Variants in FAM53B observed in about 807,000 individuals in gnomAD.
FAM53B encodes the protein protein FAM53B.
A neutral mutation model predicts 32.7 loss-of-function variants in FAM53B; 12 were observed. The observed-to-expected ratio is 0.37, with a 90% CI of 0.24 to 0.59. The LOEUF (loss-of-function observed/expected upper bound fraction) is 0.59, where lower values mean the gene tolerates loss of function less well. Among genes scored for constraint, FAM53B ranks in the 20% least tolerant of loss-of-function variants. The pLI is 0.72. For missense variants in FAM53B, 477 were observed against 577.7 expected (o/e 0.83, Z 1.79); for synonymous variants, 234 against 228.7 (o/e 1.02, Z -0.21).
chr10:124,711,946 G>A (rs772876359), intron 1 of FAM53B, among the ~76,000 whole-genome samples: 5 of 151,948 alleles, frequency 3.3e-5, no homozygotes, highest in Admixed American at 6.5e-5. Flanking sequence ...GCCTGTAGTC[G>A]CAGGTACTCA....
chr10:124,674,316 A>C (rs1248657767), intron 4 of FAM53B, among the ~76,000 whole-genome samples: 1 of 151,964 alleles, frequency 6.6e-6, no homozygotes, highest in Non-Finnish European at 1.5e-5. Context: ...CTAAAGTGTG[A>C]CTCCCAATAT....
At chr10:124,717,677 G>T (rs904294221) in intron 1 of FAM53B, among the ~76,000 whole-genome samples, 3 of 152,212 alleles carry the variant, frequency 2.0e-5, no homozygotes, top group Non-Finnish European at 4.4e-5. Flanking sequence ...ATGGGGTGAG[G>T]ATGGGGATGT....
chr10:124,709,950 T>C (rs569462391), intron 1 of FAM53B, among the ~76,000 whole-genome samples: 2 of 152,316 alleles, frequency 1.3e-5, no homozygotes, highest in African/African-American at 4.8e-5. Context: ...TATGTGAGGT[T>C]TGAATATTCC....
chr10:124,655,978 C>A (rs1356661805), intron 4 of FAM53B, among the ~76,000 whole-genome samples: 4 of 152,248 alleles, frequency 2.6e-5, no homozygotes, highest in Admixed American at 6.5e-5. Context: ...CCAAACAGAA[C>A]TAGCCCCAGA....
chr10:124,701,611 T>C (rs1011484367), intron 2 of FAM53B, among the ~76,000 whole-genome samples: 5 of 152,098 alleles, frequency 3.3e-5, no homozygotes, highest in Non-Finnish European at 5.9e-5. Flanking sequence ...TGCTCCAAGG[T>C]CAAACGTCTG....
chr10:124,694,311 C>T (rs1474670999), intron 3 of FAM53B, among the ~76,000 whole-genome samples: 1 of 152,222 alleles, frequency 6.6e-6, no homozygotes, highest in African/African-American at 2.4e-5. Context: ...ATGGCCTCCC[C>T]GGTAGAAAGC....
chr10:124,721,392 G>A (rs1430056198), intron 1 of FAM53B, among the ~76,000 whole-genome samples: 4 of 152,228 alleles, frequency 2.6e-5, no homozygotes, highest in East Asian at 1.9e-4. Context: ...AGCAAGTGCC[G>A]GAGGTGGCAT....
chr10:124,631,061 G>A lies in FAM53B; in HGVS notation c.907-7457C>T, dbSNP rs1341812340. Reference sequence around the variant, plus strand: ...CTGTGTGGCGGCCAGTCCAGGCCACGCTGAGTCACTTCGGGAAGGGTGGCA... The same window carrying A: ...CTGTGTGGCGGCCAGTCCAGGCCACACTGAGTCACTTCGGGAAGGGTGGCA... On this transcript the variant is annotated intron_variant, in intron 4 of 4. Transcript: ENST00000337318. Among the ~76,000 whole-genome samples the A allele has an allele frequency of 4.6e-5, 7 of 152,214 alleles. No homozygotes were observed. In the East Asian group the frequency reaches 7.7e-4, roughly 17 times the overall value.
At chr10:124,692,486 G>A (rs932791862) in intron 3 of FAM53B, among the ~76,000 whole-genome samples, 5 of 151,636 alleles carry the variant, frequency 3.3e-5, no homozygotes, top group African/African-American at 9.7e-5. Context: ...AGGCTGAGGC[G>A]GGTGGATCAC....
At chr10:124,647,519 C>T (rs1358305529) in intron 4 of FAM53B, among the ~76,000 whole-genome samples, 2 of 152,224 alleles carry the variant, frequency 1.3e-5, no homozygotes, top group Admixed American at 1.3e-4. Context: ...CCACCACATG[C>T]GGGAGCTTTC....
At chr10:124,731,815 C>T (rs756576605) in intron 1 of FAM53B, among the ~76,000 whole-genome samples, 4 of 152,136 alleles carry the variant, frequency 2.6e-5, no homozygotes, top group East Asian at 1.9e-4. Context: ...AATGCTTCCC[C>T]GACCTTGGAG....
Position 124,706,717 on chromosome 10 carries a change from A to G in FAM53B, c.-4T>C, listed in dbSNP as rs372983351. The G allele has an allele frequency of 6.2e-7, 1 of 1,613,984 alleles. No individual in the cohort carries two copies. Among genetic ancestry groups the G allele is most frequent in the Non-Finnish European group, 8.5e-7 (1 of 1,180,010 alleles). On this transcript the variant is annotated 5_prime_UTR_variant, in exon 2 of 5. Coordinates refer to ENST00000337318, the MANE Select transcript of FAM53B (RefSeq NM_014661.4). ...TTTCACTTAGGACCATCACCATGAT[A>G]AGGGCCTCAGGCGCTGGGCTCCATC...
At chr10:124,642,201 C>A (rs899130802) in intron 4 of FAM53B, among the ~76,000 whole-genome samples, 1 of 152,220 alleles carries the variant, frequency 6.6e-6, no homozygotes, top group African/African-American at 2.4e-5. Context: ...CCCTCAAGAA[C>A]AGTAGCCCTC....
At chr10:124,632,333 C>T (rs897300) in intron 4 of FAM53B, among the ~76,000 whole-genome samples, 90,634 of 152,234 alleles carry the variant, frequency 0.6, 27,916 homozygotes, top group Non-Finnish European at 0.68. Flanking sequence ...GGACAGGACT[C>T]GTGAAACCAC....
Position 124,719,620 on chromosome 10 carries a change from G to A in FAM53B, c.-174-12733C>T, listed in dbSNP as rs1295665980. On this transcript the variant is annotated intron_variant, in intron 1 of 4. Coordinates refer to ENST00000337318, the MANE Select transcript of FAM53B (RefSeq NM_014661.4). ...TGAAAGACTGCCAAGTACACCAGCT[G>A]CGGCTATAGCTGTCACTGTCCCCCT... Among the ~76,000 whole-genome samples, 3 of 152,316 alleles carry A rather than the reference G, an allele frequency of 2.0e-5. No homozygotes were observed. The East Asian group carries it at 5.8e-4, about 29-fold the overall frequency.
At chr10:124,685,494 G>A (rs928840231) in intron 3 of FAM53B, among the ~76,000 whole-genome samples, 3 of 152,204 alleles carry the variant, frequency 2.0e-5, no homozygotes, top group African/African-American at 7.2e-5. Flanking sequence ...GCACCAGATG[G>A]GCCAGGAATG....
intron 4 of FAM53B, among the ~76,000 whole-genome samples, chr10:124,669,359 C>G (rs1949692900): frequency 6.6e-6 from 1 of 152,192 alleles, no homozygotes; most frequent in Admixed American, 6.5e-5. Context: ...AGCGCTCTTC[C>G]AGAGAGGCCA....
intron 3 of FAM53B, among the ~76,000 whole-genome samples, chr10:124,689,486 T>C (rs542825234): frequency 2.5e-4 from 38 of 152,270 alleles, no homozygotes; most frequent in Non-Finnish European, 4.3e-4. Flanking sequence ...GGATGGACTG[T>C]AAAATGGCAG....
intron 1 of FAM53B, among the ~76,000 whole-genome samples, chr10:124,728,219 G>A (rs989311473): frequency 6.6e-5 from 10 of 152,208 alleles, no homozygotes; most frequent in African/African-American, 2.4e-4. Context: ...GAAATTCCAT[G>A]CACAACAAAG....
Sources: gnomAD v4.1 joint callset for allele counts (sites outside exome capture counted in the v4.1 genomes callset) on GRCh38, gnomAD v4.1.1 for gene constraint, MANE v1.5 for transcripts, NCBI Gene and HGNC (gene_info 2026-07-23, HGNC 2026-07-21) for gene names.